Variants in DNAJC13 observed in about 807,000 individuals in gnomAD.
The protein encoded by DNAJC13 is DnaJ heat shock protein family (Hsp40) member C13.
DNAJC13 carries 75 observed loss-of-function variants against 290.5 expected under a neutral mutation model. The observed-to-expected ratio is 0.26, with a 90% CI of 0.21 to 0.31. The LOEUF is 0.31. Among genes scored for constraint, DNAJC13 ranks in the 10% least tolerant of loss-of-function variants. The pLI is 1.00. For missense variants in DNAJC13, 2,260 were observed against 2,674.5 expected, an observed-to-expected ratio of 0.85 and a Z score of 3.42; for synonymous variants, 862 against 892.0, an observed-to-expected ratio of 0.97 and a Z score of 0.60.
rs553746416 is a variant in DNAJC13 at position 132,536,543 on chromosome 3, A to G, written c.6626-1633A>G. On this transcript the variant is annotated intron_variant, in intron 55 of 55. Transcript: ENST00000260818. ...TCTTGTAACCTACTATTTTGATGGG[A>G]ACCAAGTTGAGCCCACAATCAGAAT... is the stretch of plus-strand genomic sequence containing the variant. 5.3e-5 allele frequency among the ~76,000 whole-genome samples: 8 copies of G among 152,312 alleles called. No individual in the cohort carries two copies. The South Asian group carries it at 1.7e-3, about 32-fold the overall frequency.
intron 42 of DNAJC13, among the ~76,000 whole-genome samples, chr3:132,506,781 AC>A (rs1224987690): frequency 6.6e-6 from 1 of 151,106 alleles, no homozygotes; most frequent in Non-Finnish European, 1.5e-5. Flanking sequence ...CGATCTCTTG[AC>A]CTCATGATCC....
At chr3:132,483,698 G>C in intron 28 of DNAJC13, 121 bp downstream of exon 28, 1 of 1,035,100 alleles carries the variant, frequency 9.7e-7, no homozygotes, top group Non-Finnish European at 1.4e-6. Flanking sequence ...ATGCTGTTTT[G>C]ACCTTTGGAA....
chr3:132,434,592 C>T lies in DNAJC13; in HGVS notation c.42C>T (p.Tyr14=). The change falls in exon 2 of 56, where the codon TAC becomes TAT. Residue 14 remains tyrosine, a synonymous_variant. Coordinates refer to ENST00000260818, the MANE Select transcript of DNAJC13 (RefSeq NM_015268.4). ...IRENKDLACF[Y]TTKHSWRGKY... ...AAAATAAGGATCTGGCATGTTTCTA[C>T]ACAACAAAACATTCATGGAGGGGGA... 6.2e-7 allele frequency: 1 copy of T among 1,610,396 alleles called. No individual in the cohort carries two copies.
intron 29 of DNAJC13, 94 bp downstream of exon 29, chr3:132,484,766 C>T: frequency 8.0e-7 from 1 of 1,242,298 alleles, no homozygotes; most frequent in East Asian, 2.4e-5. Context: ...CAGTCTATTC[C>T]ATTTTCAAAA....
In DNAJC13 at chr3:132,484,612, GC is replaced by G; in HGVS notation, c.3209del (p.Pro1070LeufsTer5). The G allele has an allele frequency of 6.2e-7, 1 of 1,614,038 alleles. No homozygotes were observed. Among genetic ancestry groups the G allele is most frequent in the Non-Finnish European group, 8.5e-7 (1 of 1,179,972 alleles). The part of the protein sequence containing the change: ...SRDQDNAIIR[P>X]LPKVKRLLSD... Reference sequence around the variant, plus strand: ...GGGATCAAGACAATGCCATCATTCGGCCTCTACCCAAAGTGAAAAGACTGCT... The same window carrying G: ...GGGATCAAGACAATGCCATCATTCGGCTCTACCCAAAGTGAAAAGACTGCT... On this transcript the variant is annotated frameshift_variant, in exon 29 of 56. Transcript: ENST00000260818. LOFTEE classifies it high-confidence loss of function.
chr3:132,424,082 C>T (rs979045351), intron 1 of DNAJC13, among the ~76,000 whole-genome samples: 1 of 151,986 alleles, frequency 6.6e-6, no homozygotes. Flanking sequence ...GAAATTAGGT[C>T]TATAAAGTTA....
chr3:132,526,701 T>C (rs934916889), intron 53 of DNAJC13, among the ~76,000 whole-genome samples: 2 of 152,258 alleles, frequency 1.3e-5, no homozygotes, highest in Non-Finnish European at 2.9e-5. Context: ...TCTTAAGTCA[T>C]GTTTAAGAAA....
chr3:132,538,130 A>C (rs1936652621), intron 55 of DNAJC13, 46 bp from the exon 56 acceptor site: 1 of 1,518,816 alleles, frequency 6.6e-7, no homozygotes, highest in Non-Finnish European at 9.1e-7. Flanking sequence ...CAATGTTTTC[A>C]CTTGACTGCT....
intron 1 of DNAJC13, among the ~76,000 whole-genome samples, chr3:132,428,462 C>G: frequency 6.6e-6 from 1 of 152,182 alleles, no homozygotes; most frequent in South Asian, 2.1e-4. Context: ...GTTATCTTAT[C>G]TTTTTTTCAT....
At chr3:132,526,013 G>T in intron 52 of DNAJC13, 128 bp from the exon 53 acceptor site, 3 of 1,304,074 alleles carry the variant, frequency 2.3e-6, no homozygotes, top group South Asian at 1.6e-5. Flanking sequence ...GATTAAATTT[G>T]GTTCAATTCA....
At chr3:132,538,068 T>C in intron 55 of DNAJC13, 108 bp from the exon 56 acceptor site, 1 of 733,090 alleles carries the variant, frequency 1.4e-6, no homozygotes, top group East Asian at 2.6e-5. Flanking sequence ...AAATAGATGA[T>C]TAGTTTTGTG....
intron 12 of DNAJC13, 23 bp downstream of exon 12, chr3:132,456,855 A>G: frequency 6.2e-7 from 1 of 1,608,430 alleles, no homozygotes; most frequent in Non-Finnish European, 8.5e-7. Context: ...CTGAAACTTA[A>G]CTTCTCTTAG....
At chr3:132,520,591 A>T (rs1174886504) in intron 48 of DNAJC13, among the ~76,000 whole-genome samples, 1 of 152,248 alleles carries the variant, frequency 6.6e-6, no homozygotes, top group Non-Finnish European at 1.5e-5. Flanking sequence ...CAGAAATCCG[A>T]TAGGAAGAGA....
At position 132,484,625 on chromosome 3, in the gene DNAJC13, G is replaced by T; in HGVS notation, c.3220G>T (p.Val1074Leu). The T allele has an allele frequency of 6.2e-7, 1 of 1,614,102 alleles. No individual in the cohort carries two copies. Among genetic ancestry groups the T allele is most frequent in the Non-Finnish European group, 8.5e-7 (1 of 1,179,996 alleles). ...TGCCATCATTCGGCCTCTACCCAAA[G>T]TGAAAAGACTGCTGTCAGATAGCAC... ...DNAIIRPLPK[V>L]KRLLSDSTCL... The change falls in exon 29 of 56, where the codon GTG (valine) becomes TTG (leucine). Residue 1074 changes from valine (V) to leucine (L), a missense_variant. By Grantham distance (32) the Val-to-Leu change is conservative. Transcript: ENST00000260818.
At chr3:132,458,621 A>C (rs1933695870) in intron 13 of DNAJC13, among the ~76,000 whole-genome samples, 1 of 152,166 alleles carries the variant, frequency 6.6e-6, no homozygotes, top group Non-Finnish European at 1.5e-5. Flanking sequence ...GTCAGGAGCC[A>C]AGGATGGAGA....
chr3:132,418,294 T>TC (rs1329624008), intron 1 of DNAJC13, among the ~76,000 whole-genome samples: 2 of 152,250 alleles, frequency 1.3e-5, no homozygotes, highest in African/African-American at 2.4e-5. Flanking sequence ...CTAAGGCTTT[T>TC]CCTTCCTGCA....
intron 35 of DNAJC13, among the ~76,000 whole-genome samples, chr3:132,495,556 A>G (rs1342945795): frequency 6.6e-6 from 1 of 152,170 alleles, no homozygotes; most frequent in Non-Finnish European, 1.5e-5. Context: ...AATGACATCC[A>G]ATTTCATATC....
intron 29 of DNAJC13, among the ~76,000 whole-genome samples, 164 bp downstream of exon 29, chr3:132,484,836 A>G (rs1303199128): frequency 1.3e-5 from 2 of 152,152 alleles, no homozygotes; most frequent in Admixed American, 6.5e-5. Context: ...TGGGAGGCTG[A>G]GGCGGGAGGG....
At chr3:132,483,685 G>A in intron 28 of DNAJC13, 108 bp downstream of exon 28, 2 of 1,128,406 alleles carry the variant, frequency 1.8e-6, no homozygotes, top group African/African-American at 1.5e-5. Context: ...TGGCCTTGGA[G>A]GAATGCTGTT....
Sources: allele counts gnomAD v4.1 joint callset (sites outside exome capture counted in the v4.1 genomes callset), GRCh38; gene constraint gnomAD v4.1.1; transcripts MANE v1.5; gene names NCBI Gene and HGNC (gene_info 2026-07-23, HGNC 2026-07-21).